CNMD: variants seen among roughly 807,000 people sequenced by gnomAD.
CNMD encodes the protein leukocyte cell-derived chemotaxin 1.
A neutral mutation model predicts 37.5 loss-of-function variants in CNMD; 30 were observed. The observed-to-expected ratio is 0.80, with a 90% CI of 0.60 to 1.09. The LOEUF (loss-of-function observed/expected upper bound fraction) is 1.09. Ranked by LOEUF, CNMD falls within the 50% of genes least tolerant of loss-of-function variation. CNMD has a pLI of 0.00. For synonymous variants in CNMD, 167 were observed against 148.2 expected (o/e 1.13, Z -0.92); for missense variants, 398 against 423.9 (o/e 0.94, Z 0.54).
At chr13:52,718,239 T>C (rs571121579) in intron 4 of CNMD, among the ~76,000 whole-genome samples, 1 of 152,326 alleles carries the variant, frequency 6.6e-6, no homozygotes, top group African/African-American at 2.4e-5. Context: ...TCTTTTCTTC[T>C]TTATTAGTCT....
chr13:52,706,135 C>T (rs1395344641), intron 6 of CNMD, among the ~76,000 whole-genome samples: 1 of 152,174 alleles, frequency 6.6e-6, no homozygotes, highest in Non-Finnish European at 1.5e-5. Context: ...AAAAGATGCT[C>T]ACCCTTACAC....
rs940618563 is a variant in CNMD, at chr13:52,738,935, C to A, written c.213+96G>T. ...CTCACGCTGGGCCCGAGGGGCCCGCCGGCAGCCGCGCGCCCCTCGCCGGCC... is the reference window on the plus strand; with the variant it reads ...CTCACGCTGGGCCCGAGGGGCCCGCAGGCAGCCGCGCGCCCCTCGCCGGCC... On this transcript the variant is annotated intron_variant, in intron 2 of 6. Coordinates refer to ENST00000377962, the MANE Select transcript of CNMD (RefSeq NM_007015.3). 5 of 1,213,050 alleles carry A rather than the reference C, an allele frequency of 4.1e-6. No individual in the cohort carries two copies. The African/African-American group carries it at 8.0e-5, about 19-fold the overall frequency. 75.1% of individuals were successfully genotyped at this position (1,213,050 alleles called of 1,614,324 possible).
Position 52,739,042 on chromosome 13 carries a change from T to G in CNMD, c.202A>C (p.Ser68Arg). Residue 68 changes from serine (S) to arginine (R), a missense_variant, in exon 2 of 7, where the codon AGC (serine) becomes CGC (arginine). Coordinates refer to ENST00000377962, the MANE Select transcript of CNMD (RefSeq NM_007015.3). The surrounding 1 kb of genome is among the most constrained non-coding windows in gnomAD (Gnocchi z 5.4). ...CCCTCTGGACTTACGTGACTGTCGC[T>G]CCCCTTCCAGAAGTAGAAGGCCCCG... ...AIGAFYFWKG[S>R]DSHIYNVHYT... 1 of 1,578,018 alleles carries G rather than the reference T, an allele frequency of 6.3e-7. No individual in the cohort carries two copies. Among genetic ancestry groups the G allele is most frequent in the East Asian group, 2.6e-5 (1 of 39,204 alleles).
chr13:52,723,293 G>C (rs951986844), intron 4 of CNMD, among the ~76,000 whole-genome samples: 1 of 151,996 alleles, frequency 6.6e-6, no homozygotes, highest in Non-Finnish European at 1.5e-5. Flanking sequence ...GGGTTTTGCC[G>C]TGTTGTCCAG....
chr13:52,737,902 T>C (rs1451112450), intron 2 of CNMD, among the ~76,000 whole-genome samples: 1 of 152,242 alleles, frequency 6.6e-6, no homozygotes, highest in Non-Finnish European at 1.5e-5. Context: ...TACAAATCGA[T>C]GCTTGTAAAT....
chr13:52,728,976 C>T (rs1444166396), intron 3 of CNMD, among the ~76,000 whole-genome samples: 1 of 152,200 alleles, frequency 6.6e-6, no homozygotes, highest in African/African-American at 2.4e-5. Flanking sequence ...AGCAAACCTC[C>T]TGTTTTTGCA....
At chr13:52,721,681 C>T (rs553596647) in intron 4 of CNMD, among the ~76,000 whole-genome samples, 1 of 152,328 alleles carries the variant, frequency 6.6e-6, no homozygotes, top group African/African-American at 2.4e-5. Context: ...ATGCAGAAAT[C>T]ACCTGCCTTC....
In CNMD at chr13:52,703,820, AAAAGAT is replaced by A. The variant is rs1964130639; in HGVS notation, c.790-16_790-11del. On this transcript the variant is annotated splice_polypyrimidine_tract_variant and intron_variant, in intron 6 of 6. Coordinates refer to ENST00000377962, the MANE Select transcript of CNMD (RefSeq NM_007015.3). ...TTTCCCCTTCCTGCTGCTGTGAAAT[AAAAGAT>A]AATTATTTGTGATAACTGCATAGTG... 2 of 1,603,664 alleles carry A rather than the reference AAAAGAT, an allele frequency of 1.2e-6. No individual in the cohort carries two copies. Among genetic ancestry groups the A allele is most frequent in the Non-Finnish European group, 1.7e-6 (2 of 1,171,032 alleles).
intron 6 of CNMD, among the ~76,000 whole-genome samples, chr13:52,705,078 A>C (rs1964152900): frequency 6.6e-6 from 1 of 152,096 alleles, no homozygotes; most frequent in Non-Finnish European, 1.5e-5. Context: ...AAAAATTTCA[A>C]ACATACTGGA....
intron 4 of CNMD, among the ~76,000 whole-genome samples, chr13:52,718,685 G>T (rs1203099871): frequency 6.6e-6 from 1 of 152,146 alleles, no homozygotes; most frequent in Non-Finnish European, 1.5e-5. Flanking sequence ...GTTCTAATTT[G>T]ATTGTACTGT....
chr13:52,712,497 G>T (rs1964304967), intron 5 of CNMD, among the ~76,000 whole-genome samples: 1 of 152,154 alleles, frequency 6.6e-6, no homozygotes. Context: ...TTCCTGATCT[G>T]CCTCCTGTTA....
At chr13:52,706,863 T>C (rs1259176013) in intron 6 of CNMD, among the ~76,000 whole-genome samples, 3 of 152,028 alleles carry the variant, frequency 2.0e-5, no homozygotes, top group Admixed American at 6.6e-5. Context: ...TATCCTTTTG[T>C]ACTGTTTTTA....
intron 4 of CNMD, among the ~76,000 whole-genome samples, chr13:52,714,692 A>C (rs1004640580): frequency 6.6e-6 from 1 of 152,204 alleles, no homozygotes; most frequent in African/African-American, 2.4e-5. Flanking sequence ...GTCCATTATA[A>C]TCTACATTTT....
intron 4 of CNMD, among the ~76,000 whole-genome samples, chr13:52,720,660 G>T (rs890830758): frequency 9.2e-5 from 14 of 152,182 alleles, no homozygotes; most frequent in Non-Finnish European, 1.3e-4. Flanking sequence ...ATTGCTGTCT[G>T]TTCCTTCCTC....
chr13:52,713,539 C>T (rs898108190), intron 4 of CNMD, among the ~76,000 whole-genome samples: 6 of 152,164 alleles, frequency 3.9e-5, no homozygotes, highest in African/African-American at 1.2e-4. Flanking sequence ...TATTAGTCTG[C>T]AATAGCTTGG....
At chr13:52,735,827 C>CTTT (rs34873599) in intron 2 of CNMD, among the ~76,000 whole-genome samples, 3 of 120,634 alleles carry the variant, frequency 2.5e-5, no homozygotes, top group South Asian at 2.5e-4. Context: ...TGCGGCCCAC[C>CTTT]TTTTTTTTTT....
At chr13:52,734,038 A>T (rs1964717970) in intron 2 of CNMD, among the ~76,000 whole-genome samples, 1 of 152,202 alleles carries the variant, frequency 6.6e-6, no homozygotes, top group Non-Finnish European at 1.5e-5. Context: ...TCCCTGAACG[A>T]TTCTATGGGG....
At chr13:52,726,567 G>A (rs1566228509) in intron 3 of CNMD, among the ~76,000 whole-genome samples, 1 of 147,170 alleles carries the variant, frequency 6.8e-6, no homozygotes, top group Non-Finnish European at 1.5e-5. Flanking sequence ...AATGAAAGCT[G>A]AAGTGCCCTA....
At position 52,736,285 on chromosome 13, in the gene CNMD, C is replaced by T. The variant is rs573888729; in HGVS notation, c.213+2746G>A. ...CTGGGATTACAGGCGTGAGCCACCG[C>T]GCCCGGCCTTTATTTGCATTTTTAG... On this transcript the variant is annotated intron_variant, in intron 2 of 6. Transcript: ENST00000377962. 2.1e-4 allele frequency among the ~76,000 whole-genome samples: 32 copies of T among 152,330 alleles called. No homozygotes were observed. The South Asian group carries it at 3.7e-3, about 18-fold the overall frequency.
Sources: allele counts gnomAD v4.1 joint callset (sites outside exome capture counted in the v4.1 genomes callset), GRCh38; gene constraint gnomAD v4.1.1; non-coding constraint Gnocchi (gnomAD v3.1); transcripts MANE v1.5; gene names NCBI Gene and HGNC (gene_info 2026-07-23, HGNC 2026-07-21).